Variants in CNTN5 observed in about 807,000 individuals in gnomAD.
CNTN5 encodes contactin-5.
In CNTN5, 77 loss-of-function variants were observed where a neutral mutation model predicts 129.1. The observed-to-expected ratio is 0.60, with a 90% confidence interval of 0.50 to 0.72. The LOEUF (loss-of-function observed/expected upper bound fraction) is 0.72, where lower values mean the gene tolerates loss of function less well. Among genes scored for constraint, CNTN5 ranks in the 30% least tolerant of loss-of-function variants. CNTN5 has a pLI of 0.00. For missense variants in CNTN5, 1,478 were observed against 1,328.8 expected (o/e 1.11, Z -1.75); for synonymous variants, 509 against 465.6 (o/e 1.09, Z -1.20).
chr11:99,816,101 A>C (rs1455562726), intron 3 of CNTN5, among the ~76,000 whole-genome samples: 1 of 152,198 alleles, frequency 6.6e-6, no homozygotes, highest in Non-Finnish European at 1.5e-5. Flanking sequence ...GCTAGAGAAC[A>C]CTGATCTTCA....
intron 3 of CNTN5, among the ~76,000 whole-genome samples, chr11:99,767,173 T>C (rs1156456650): frequency 6.6e-6 from 1 of 152,136 alleles, no homozygotes; most frequent in East Asian, 1.9e-4. Flanking sequence ...TATTTATTTA[T>C]TCTGCATGTA....
At chr11:100,232,654 G>T (rs192008703) in intron 16 of CNTN5, among the ~76,000 whole-genome samples, 1 of 152,114 alleles carries the variant, frequency 6.6e-6, no homozygotes, top group Admixed American at 6.5e-5. Flanking sequence ...TTATCCCTTC[G>T]TTCATTCAGT....
chr11:99,072,398 T>C (rs1865374522), intron 1 of CNTN5, among the ~76,000 whole-genome samples: 2 of 152,258 alleles, frequency 1.3e-5, no homozygotes, highest in South Asian at 2.1e-4. Context: ...AATTGAATAA[T>C]ATCAAAACAG....
intron 3 of CNTN5, among the ~76,000 whole-genome samples, chr11:99,620,344 T>A (rs1158518602): frequency 1.5e-5 from 2 of 130,840 alleles, no homozygotes; most frequent in Non-Finnish European, 3.4e-5. Context: ...AAAAATATCT[T>A]AATAGTATAC....
chr11:100,020,771 G>A (rs1941099378), intron 9 of CNTN5, among the ~76,000 whole-genome samples: 1 of 152,004 alleles, frequency 6.6e-6, no homozygotes, highest in African/African-American at 2.4e-5. Context: ...TGGTGTTTCT[G>A]TACACTAACA....
chr11:100,219,206 A>T (rs1949209325), intron 15 of CNTN5, among the ~76,000 whole-genome samples: 1 of 152,242 alleles, frequency 6.6e-6, no homozygotes, highest in African/African-American at 2.4e-5. Flanking sequence ...CTTCTGTCAA[A>T]GCTGAATTAG....
At chr11:99,069,413 C>T (rs147116693) in intron 1 of CNTN5, among the ~76,000 whole-genome samples, 1,704 of 152,182 alleles carry the variant, frequency 0.011, 11 homozygotes, top group Non-Finnish European at 0.018. Flanking sequence ...ATATACCCTG[C>T]TTCAATTTTT....
chr11:100,196,976 T>C (rs11821788), intron 15 of CNTN5, among the ~76,000 whole-genome samples: 2,824 of 152,082 alleles, frequency 0.019, 77 homozygotes, highest in African/African-American at 0.064. Context: ...AGGGTAGAAA[T>C]TGCAGTATGG....
intron 8 of CNTN5, among the ~76,000 whole-genome samples, chr11:99,963,510 G>T (rs1189523055): frequency 6.6e-6 from 1 of 151,926 alleles, no homozygotes. Context: ...CTGTTCTGTT[G>T]GTCTATATCT....
At chr11:99,333,779 T>G (rs1469501719) in intron 2 of CNTN5, among the ~76,000 whole-genome samples, 1 of 152,040 alleles carries the variant, frequency 6.6e-6, no homozygotes, top group Non-Finnish European at 1.5e-5. Context: ...GACTTTCCCA[T>G]AGACTGAGTT....
At chr11:99,298,490 A>G (rs1864484260) in intron 1 of CNTN5, among the ~76,000 whole-genome samples, 1 of 152,160 alleles carries the variant, frequency 6.6e-6, no homozygotes, top group African/African-American at 2.4e-5. Flanking sequence ...CTATTAAGAT[A>G]GGTTTTCGCA....
intron 1 of CNTN5, among the ~76,000 whole-genome samples, chr11:99,191,139 T>C (rs533972332): frequency 6.6e-6 from 1 of 151,924 alleles, no homozygotes; most frequent in South Asian, 2.1e-4. Flanking sequence ...GTGTGTACCA[T>C]ATTTATAGAT....
At chr11:99,894,937 C>G (rs1293096522) in intron 6 of CNTN5, among the ~76,000 whole-genome samples, 1 of 152,148 alleles carries the variant, frequency 6.6e-6, no homozygotes, top group African/African-American at 2.4e-5. Flanking sequence ...TGCTACTGCC[C>G]AAAGTCACCA....
intron 6 of CNTN5, among the ~76,000 whole-genome samples, chr11:99,909,055 C>T (rs1206338004): frequency 1.3e-5 from 2 of 152,164 alleles, no homozygotes; most frequent in East Asian, 3.9e-4. Flanking sequence ...CTTTCTCCAG[C>T]TGAATCTTAA....
chr11:99,620,662 TATCAA>T (rs1226975976), intron 3 of CNTN5, among the ~76,000 whole-genome samples: 1 of 152,080 alleles, frequency 6.6e-6, no homozygotes, highest in East Asian at 1.9e-4. Flanking sequence ...ACAAGTTGCA[TATCAA>T]ATAGTGGGCA....
chr11:99,207,550 A>C (rs1337223925), intron 1 of CNTN5, among the ~76,000 whole-genome samples: 1 of 152,144 alleles, frequency 6.6e-6, no homozygotes, highest in Non-Finnish European at 1.5e-5. Context: ...TCACTATAAC[A>C]AGGTTTTTCT....
chr11:99,868,919 AAAG>A (rs1463395606), intron 6 of CNTN5, among the ~76,000 whole-genome samples: 5 of 152,176 alleles, frequency 3.3e-5, no homozygotes, highest in African/African-American at 1.2e-4. Context: ...ATGGGAAAGA[AAAG>A]AAGTAGAACA....
intron 3 of CNTN5, among the ~76,000 whole-genome samples, chr11:99,768,504 G>T (rs964061922): frequency 3.9e-5 from 6 of 152,016 alleles, no homozygotes; most frequent in Non-Finnish European, 1.5e-5. Flanking sequence ...CATTGCCATT[G>T]ATACTTTATC....
At chr11:99,609,275 G>T (rs906323160) in intron 3 of CNTN5, among the ~76,000 whole-genome samples, 10 of 152,054 alleles carry the variant, frequency 6.6e-5, no homozygotes, top group Non-Finnish European at 5.9e-5. Context: ...AGGATATATA[G>T]ACCCAAAGAG....
Sources: gnomAD v4.1 joint callset for allele counts (sites outside exome capture counted in the v4.1 genomes callset) on GRCh38, gnomAD v4.1.1 for gene constraint, MANE v1.5 for transcripts, NCBI Gene and HGNC (gene_info 2026-07-23, HGNC 2026-07-21) for gene names.